Variants in SGCZ observed in about 807,000 individuals in gnomAD.
SGCZ encodes the protein sarcoglycan zeta.
In SGCZ, 40 loss-of-function variants were observed where a neutral mutation model predicts 41.3. That is an observed-to-expected ratio of 0.97 (90% CI 0.75 to 1.26). The LOEUF is 1.26. Among genes scored for constraint, SGCZ ranks in the 50% most tolerant of loss-of-function variants. The pLI, the probability that SGCZ is intolerant of heterozygous loss-of-function variation, is 0.00. For missense variants in SGCZ, 552 were observed against 369.8 expected (o/e 1.49, Z -4.04); for synonymous variants, 206 against 137.5 (o/e 1.50, Z -3.49).
chr8:14,249,442 T>C (rs1799211361), intron 3 of SGCZ, among the ~76,000 whole-genome samples: 2 of 152,098 alleles, frequency 1.3e-5, no homozygotes, highest in Non-Finnish European at 1.5e-5. Flanking sequence ...GGTCTGTTTC[T>C]CTAGAGAACC....
intron 2 of SGCZ, among the ~76,000 whole-genome samples, chr8:14,514,677 A>G (rs1222107128): frequency 1.3e-5 from 2 of 149,380 alleles, no homozygotes; most frequent in African/African-American, 4.9e-5. Flanking sequence ...ATGTAAATAT[A>G]TATACGTATA....
chr8:15,117,220 G>A (rs761201837), intron 1 of SGCZ, among the ~76,000 whole-genome samples: 22 of 152,138 alleles, frequency 1.4e-4, no homozygotes, highest in South Asian at 2.1e-4. Flanking sequence ...TTAGCTGGGC[G>A]CGGTAGCAGG....
intron 1 of SGCZ, among the ~76,000 whole-genome samples, chr8:14,733,976 C>T (rs1176487127): frequency 1.3e-5 from 2 of 152,234 alleles, no homozygotes; most frequent in Non-Finnish European, 1.5e-5. Context: ...TTATCCTCCA[C>T]TATCTTCACT....
At chr8:15,210,077 C>T (rs1417740424) in intron 1 of SGCZ, among the ~76,000 whole-genome samples, 1 of 152,108 alleles carries the variant, frequency 6.6e-6, no homozygotes, top group East Asian at 1.9e-4. Context: ...GCTTCTTACC[C>T]ATTATTTTAT....
intron 1 of SGCZ, among the ~76,000 whole-genome samples, chr8:15,230,008 C>G (rs1040436378): frequency 6.6e-6 from 1 of 152,132 alleles, no homozygotes; most frequent in Non-Finnish European, 1.5e-5. Context: ...AGGCTCTTAG[C>G]TCTTATAGAT....
chr8:14,551,918 C>T (rs1052844206), intron 2 of SGCZ, among the ~76,000 whole-genome samples: 4 of 150,670 alleles, frequency 2.7e-5, no homozygotes, highest in African/African-American at 7.4e-5. Flanking sequence ...ATGTTGGCAG[C>T]TATCCTTGCT....
chr8:14,879,240 A>G (rs555652094), intron 1 of SGCZ: 68 of 152,254 alleles, frequency 4.5e-4, no homozygotes, highest in African/African-American at 1.5e-3. Flanking sequence ...AGGAGGGAGG[A>G]TCTCTTAAGC....
intron 1 of SGCZ, among the ~76,000 whole-genome samples, chr8:14,961,246 G>C (rs182473364): frequency 6.6e-6 from 1 of 151,952 alleles, no homozygotes; most frequent in Non-Finnish European, 1.5e-5. Context: ...AAATCTCTCC[G>C]AATCCTAAAT....
chr8:14,551,532 TAA>T (rs1563404573), intron 2 of SGCZ, among the ~76,000 whole-genome samples: 471 of 5,428 alleles, frequency 0.087, 22 homozygotes, highest in African/African-American at 0.12. Flanking sequence ...ATAATATATA[TAA>T]TATATATAAT....
chr8:14,234,938 T>A (rs1806701812), intron 4 of SGCZ, among the ~76,000 whole-genome samples: 1 of 152,164 alleles, frequency 6.6e-6, no homozygotes, highest in African/African-American at 2.4e-5. Flanking sequence ...ATACACTGAA[T>A]AGAAAAGCAT....
intron 1 of SGCZ, among the ~76,000 whole-genome samples, chr8:15,231,515 T>A (rs1801938624): frequency 6.6e-6 from 1 of 151,892 alleles, no homozygotes; most frequent in Admixed American, 6.6e-5. Context: ...TCTCATCAGT[T>A]TCACTGAGAA....
intron 1 of SGCZ, among the ~76,000 whole-genome samples, chr8:14,911,368 T>C (rs1799275115): frequency 6.6e-6 from 1 of 152,038 alleles, no homozygotes; most frequent in African/African-American, 2.4e-5. Context: ...CCTATTTTTC[T>C]TAGGAAAAGA....
chr8:14,454,978 C>G (rs1800701142), intron 2 of SGCZ, among the ~76,000 whole-genome samples: 1 of 152,070 alleles, frequency 6.6e-6, no homozygotes, highest in Admixed American at 6.5e-5. Flanking sequence ...GAAAAGTATT[C>G]CTACGGATAA....
rs1472431857 is a variant in SGCZ, at chr8:14,499,972, AC to A, written c.234+54759del. 2.6e-5 allele frequency among the ~76,000 whole-genome samples: 4 copies of A among 152,086 alleles called. No individual in the cohort carries two copies. In the East Asian group the frequency reaches 7.7e-4, roughly 29 times the overall value. On this transcript the variant is annotated intron_variant, in intron 2 of 7. Coordinates refer to ENST00000382080, the MANE Select transcript of SGCZ (RefSeq NM_139167.4). The stretch of plus-strand genomic sequence containing the variant: ...TTCATACTCTACCACCTACTGTCTT[AC>A]AAAAAAAAACTTTAAAAAATGAAGG...
chr8:14,146,890 A>AAAAAAAAAAATAAT (rs1182329393), intron 5 of SGCZ, among the ~76,000 whole-genome samples: 1 of 116,184 alleles, frequency 8.6e-6, no homozygotes, highest in Non-Finnish European at 1.8e-5. Flanking sequence ...AAAATAAAAA[A>AAAAAAAAAAATAAT]AATAATAATA....
At chr8:15,017,603 G>C (rs908179740) in intron 1 of SGCZ, among the ~76,000 whole-genome samples, 1 of 152,040 alleles carries the variant, frequency 6.6e-6, no homozygotes, top group East Asian at 1.9e-4. Flanking sequence ...CCAGGCTCAA[G>C]TGATCGTTCC....
intron 1 of SGCZ, among the ~76,000 whole-genome samples, chr8:14,639,038 C>CTTTTTTTTTTTTTT (rs148778266): frequency 7.3e-6 from 1 of 137,614 alleles, no homozygotes; most frequent in Non-Finnish European, 1.6e-5. Flanking sequence ...AAACTGGAAT[C>CTTTTTTTTTTTTTT]TTTTTTTTTT....
At chr8:15,157,691 G>A (rs947961715) in intron 1 of SGCZ, among the ~76,000 whole-genome samples, 4 of 152,006 alleles carry the variant, frequency 2.6e-5, no homozygotes, top group African/African-American at 9.7e-5. Flanking sequence ...TCATGGACAT[G>A]CAGACACAGA....
At chr8:14,817,106 T>A (rs1000117263) in intron 1 of SGCZ, among the ~76,000 whole-genome samples, 2 of 152,182 alleles carry the variant, frequency 1.3e-5, no homozygotes, top group Admixed American at 1.3e-4. Context: ...CCCTTCCCAG[T>A]AGTTATACCA....
Sources: gnomAD v4.1 joint callset for allele counts (sites outside exome capture counted in the v4.1 genomes callset) on GRCh38, gnomAD v4.1.1 for gene constraint, MANE v1.5 for transcripts, NCBI Gene and HGNC (gene_info 2026-07-23, HGNC 2026-07-21) for gene names.